CORO1C: variants seen among roughly 807,000 people sequenced by gnomAD.
CORO1C encodes coronin 1C.
CORO1C carries 14 observed loss-of-function variants against 51.2 expected under a neutral mutation model. The observed-to-expected ratio is 0.27, with a 90% CI of 0.18 to 0.43. CORO1C has a LOEUF of 0.43. Ranked by LOEUF, CORO1C falls within the 20% of genes least tolerant of loss-of-function variation. The probability of loss-of-function intolerance (pLI) is 1.00; values close to 1 mark genes in which losing one functional copy is unlikely to be tolerated. For missense variants in CORO1C, 417 were observed against 607.8 expected, an observed-to-expected ratio of 0.69 and a Z score of 3.30; for synonymous variants, 181 against 210.5, an observed-to-expected ratio of 0.86 and a Z score of 1.21.
chr12:108,696,866 C>T (rs963625557), intron 2 of CORO1C, among the ~76,000 whole-genome samples: 7 of 152,296 alleles, frequency 4.6e-5, no homozygotes, highest in Admixed American at 3.3e-4. Context: ...TATATTCCTC[C>T]GGCAGTGACC....
chr12:108,702,840 G>C, intron 1 of CORO1C: 1 of 1,535,308 alleles, frequency 6.5e-7, no homozygotes, highest in Non-Finnish European at 8.7e-7. Context: ...AATGCTGGGG[G>C]CATGTAGCCG....
chr12:108,678,546 GA>G (rs1249406265), intron 2 of CORO1C, 152 bp from the exon 3 acceptor site: 2 of 594,490 alleles, frequency 3.4e-6, no homozygotes, highest in East Asian at 6.5e-5. Flanking sequence ...TTCACTTCTA[GA>G]AAAAGCCACT....
At chr12:108,669,596 T>C (rs924164847) in intron 3 of CORO1C, among the ~76,000 whole-genome samples, 2 of 150,928 alleles carry the variant, frequency 1.3e-5, no homozygotes, top group African/African-American at 2.4e-5. Context: ...CTAGGCCTTG[T>C]TATACTATCT....
intron 1 of CORO1C, 124 bp from the exon 2 acceptor site, chr12:108,701,447 A>C: frequency 6.8e-7 from 1 of 1,470,674 alleles, no homozygotes; most frequent in Non-Finnish European, 9.1e-7. Flanking sequence ...TCTCCTAAAA[A>C]GTAGCCAAAT....
At chr12:108,674,435 C>A (rs1675408666) in intron 3 of CORO1C, among the ~76,000 whole-genome samples, 1 of 151,926 alleles carries the variant, frequency 6.6e-6, no homozygotes, top group Admixed American at 6.6e-5. Flanking sequence ...GTAGTCCCAG[C>A]TACTCGGAGG....
intron 2 of CORO1C, among the ~76,000 whole-genome samples, chr12:108,690,365 G>A (rs1462692043): frequency 1.3e-5 from 2 of 152,198 alleles, no homozygotes; most frequent in Non-Finnish European, 2.9e-5. Flanking sequence ...AGCTGCTGGG[G>A]AGAGGGAGTA....
chr12:108,697,858 G>A (rs1290063604), intron 2 of CORO1C, among the ~76,000 whole-genome samples: 9 of 152,174 alleles, frequency 5.9e-5, no homozygotes, highest in African/African-American at 2.2e-4. Flanking sequence ...CTCATATTGT[G>A]TAAACAATCA....
At chr12:108,656,362 C>T (rs1455233697) in intron 6 of CORO1C, among the ~76,000 whole-genome samples, 4 of 63,816 alleles carry the variant, frequency 6.3e-5, no homozygotes, top group Non-Finnish European at 9.3e-5. Flanking sequence ...CCCGGCCAGC[C>T]GCCCCGTCCG....
chr12:108,725,515 A>G (rs1426065820), intron 1 of CORO1C, among the ~76,000 whole-genome samples: 3 of 152,222 alleles, frequency 2.0e-5, no homozygotes, highest in African/African-American at 7.2e-5. Context: ...GGGAGCTGGC[A>G]AAGTCACAGC....
intron 1 of CORO1C, among the ~76,000 whole-genome samples, chr12:108,708,354 A>G (rs1056512455): frequency 6.6e-6 from 1 of 152,206 alleles, no homozygotes; most frequent in Non-Finnish European, 1.5e-5. Context: ...AATCTTAAAA[A>G]CATTATAAAT....
chr12:108,722,439 AC>A (rs1184551847), intron 1 of CORO1C, among the ~76,000 whole-genome samples: 1 of 152,194 alleles, frequency 6.6e-6, no homozygotes, highest in African/African-American at 2.4e-5. Context: ...CCTGGACGCC[AC>A]ACAGCCTGCA....
intron 1 of CORO1C, among the ~76,000 whole-genome samples, chr12:108,717,904 G>C (rs940753461): frequency 2.0e-5 from 3 of 152,080 alleles, no homozygotes; most frequent in African/African-American, 7.2e-5. Flanking sequence ...GAAGAAAAAC[G>C]TATTGAGCAT....
At chr12:108,709,029 A>G (rs2035108609) in intron 1 of CORO1C, among the ~76,000 whole-genome samples, 1 of 152,064 alleles carries the variant, frequency 6.6e-6, no homozygotes, top group African/African-American at 2.4e-5. Context: ...TGCTTGGATT[A>G]TAGGCATTAG....
At chr12:108,706,136 G>T (rs1027475601) in intron 1 of CORO1C, among the ~76,000 whole-genome samples, 1 of 142,270 alleles carries the variant, frequency 7.0e-6, no homozygotes, top group Non-Finnish European at 1.5e-5. Flanking sequence ...GCAGTAAGCC[G>T]AGACAGTGCC....
At chr12:108,728,223 C>G (rs896073068) in intron 1 of CORO1C, among the ~76,000 whole-genome samples, 1 of 151,822 alleles carries the variant, frequency 6.6e-6, no homozygotes, top group Admixed American at 6.6e-5. Flanking sequence ...GAAATGAAAA[C>G]GTATGTTCAC....
intron 10 of CORO1C, 134 bp from the exon 11 acceptor site, chr12:108,647,656 A>G (rs2032427780): frequency 4.8e-6 from 3 of 620,458 alleles, no homozygotes; most frequent in Admixed American, 6.1e-5. Flanking sequence ...TTGAAAAGAG[A>G]AGTCAAAGCC....
chr12:108,696,078 A>AAC (rs2034671007), intron 2 of CORO1C, among the ~76,000 whole-genome samples: 1 of 152,112 alleles, frequency 6.6e-6, no homozygotes, highest in African/African-American at 2.4e-5. Flanking sequence ...AGCCCATGGG[A>AAC]GAGAAGAAGA....
At chr12:108,649,232 C>T in intron 8 of CORO1C, 2 of 603,094 alleles carry the variant, frequency 3.3e-6, no homozygotes, top group Non-Finnish European at 5.8e-6. Flanking sequence ...TAGGAACTGG[C>T]AGACTGGAGA....
chr12:108,700,816 T>A (rs1371747801), intron 2 of CORO1C: 1 of 244,870 alleles, frequency 4.1e-6, no homozygotes, highest in Non-Finnish European at 7.9e-6. Flanking sequence ...AAAAGAAAAA[T>A]TTTTGTGAAA....
Sources: gnomAD v4.1 joint callset for allele counts (sites outside exome capture counted in the v4.1 genomes callset) on GRCh38, gnomAD v4.1.1 for gene constraint, MANE v1.5 for transcripts, NCBI Gene and HGNC (gene_info 2026-07-23, HGNC 2026-07-21) for gene names.